Variants in ERI3 observed in about 807,000 individuals in gnomAD.
The protein encoded by ERI3 is ERI1 exoribonuclease family member 3.
Under a neutral mutation model 44.4 loss-of-function variants are expected in ERI3, and 18 were observed. That is an observed-to-expected ratio of 0.41 (90% confidence interval 0.28 to 0.60). The LOEUF (loss-of-function observed/expected upper bound fraction) is 0.60, where lower values mean the gene tolerates loss of function less well. Ranked by LOEUF, ERI3 falls within the 20% of genes least tolerant of loss-of-function variation. ERI3 has a pLI of 0.36. For missense variants in ERI3, 294 were observed against 435.5 expected (o/e 0.68, Z 2.89); for synonymous variants, 183 against 164.8 (o/e 1.11, Z -0.84).
intron 7 of ERI3, among the ~76,000 whole-genome samples, chr1:44,274,947 G>A (rs563890220): frequency 6.6e-6 from 1 of 152,238 alleles, no homozygotes; most frequent in African/African-American, 2.4e-5. Flanking sequence ...ATTCCCATCA[G>A]GACACCAGCC....
At chr1:44,258,377 A>C (rs1360516334) in intron 7 of ERI3, among the ~76,000 whole-genome samples, 1 of 152,140 alleles carries the variant, frequency 6.6e-6, no homozygotes, top group Non-Finnish European at 1.5e-5. Context: ...CTCACATACA[A>C]AGGTATATGC....
chr1:44,281,512 C>T (rs866659849), intron 7 of ERI3, among the ~76,000 whole-genome samples: 9 of 148,706 alleles, frequency 6.1e-5, no homozygotes, highest in Middle Eastern at 3.5e-3. Flanking sequence ...CATCTGAGCC[C>T]GGGAGTTCAA....
At chr1:44,330,164 C>T (rs1029962774) in intron 3 of ERI3, among the ~76,000 whole-genome samples, 2 of 152,168 alleles carry the variant, frequency 1.3e-5, no homozygotes. Context: ...GTAATACATT[C>T]AAATTTCCTT....
chr1:44,250,631 A>T (rs1644658075), intron 7 of ERI3, among the ~76,000 whole-genome samples: 1 of 152,142 alleles, frequency 6.6e-6, no homozygotes, highest in Non-Finnish European at 1.5e-5. Flanking sequence ...TGGCGTCTCC[A>T]CTGCGGCCGT....
At chr1:44,248,161 G>C in intron 7 of ERI3, 123 bp from the exon 8 acceptor site, 1 of 607,520 alleles carries the variant, frequency 1.6e-6, no homozygotes. Flanking sequence ...ATGCCATCTC[G>C]TGAGAGTCCC....
chr1:44,290,402 T>G (rs1182229483), intron 6 of ERI3, among the ~76,000 whole-genome samples: 1 of 151,792 alleles, frequency 6.6e-6, no homozygotes, highest in African/African-American at 2.4e-5. Context: ...CTGTGAGGGG[T>G]GGGTGGGCTT....
At chr1:44,334,214 T>C (rs953922369) in intron 3 of ERI3, among the ~76,000 whole-genome samples, 3 of 152,250 alleles carry the variant, frequency 2.0e-5, no homozygotes, top group Non-Finnish European at 4.4e-5. Flanking sequence ...TACCTCCTCC[T>C]CCCAACGTGC....
chr1:44,238,970 C>T lies in ERI3; in HGVS notation c.931+8969G>A, dbSNP rs949714392. ...GCGGGGATGAGGGAGTAACTAATTACGGAAGAAATGAGCTAACATTTATCT... is the reference window on the plus strand; with the variant it reads ...GCGGGGATGAGGGAGTAACTAATTATGGAAGAAATGAGCTAACATTTATCT... On this transcript the variant is annotated intron_variant, in intron 8 of 8. Coordinates refer to ENST00000372257, the MANE Select transcript of ERI3 (RefSeq NM_024066.3). Among the ~76,000 whole-genome samples the T allele has an allele frequency of 5.9e-5, 9 of 152,152 alleles. No individual in the cohort carries two copies. In the South Asian group the frequency reaches 6.2e-4, roughly 11 times the overall value.
At chr1:44,346,669 A>G (rs1646789456) in intron 2 of ERI3, among the ~76,000 whole-genome samples, 1 of 152,146 alleles carries the variant, frequency 6.6e-6, no homozygotes, top group African/African-American at 2.4e-5. Context: ...ACTGTTAAAT[A>G]CTTCCTATAC....
At chr1:44,343,551 G>A (rs1235946447) in intron 2 of ERI3, among the ~76,000 whole-genome samples, 2 of 152,100 alleles carry the variant, frequency 1.3e-5, no homozygotes, top group Non-Finnish European at 2.9e-5. Context: ...TAACCAGCCT[G>A]TAATCTTCAA....
In ERI3 at chr1:44,228,896, A is replaced by T. The variant is rs552185912; in HGVS notation, c.932-7256T>A. ...AAGATGATACCCAAGACAAACCCTTATCCAGACTCCCAGGCCTGGCAGGAC... is the reference window on the plus strand; with the variant it reads ...AAGATGATACCCAAGACAAACCCTTTTCCAGACTCCCAGGCCTGGCAGGAC... On this transcript the variant is annotated intron_variant, in intron 8 of 8. Coordinates refer to ENST00000372257, the MANE Select transcript of ERI3 (RefSeq NM_024066.3). This position sits in a 1 kb window ranked among gnomAD's most constrained non-coding sequence, Gnocchi z 4.3. Among the ~76,000 whole-genome samples, 2 of 152,340 alleles carry T rather than the reference A, an allele frequency of 1.3e-5. No homozygotes were observed. Among genetic ancestry groups the T allele is most frequent in the African/African-American group, 4.8e-5 (2 of 41,586 alleles).
At position 44,325,864 on chromosome 1, in the gene ERI3, G is replaced by T. The variant is rs561753939; in HGVS notation, c.490-6120C>A. On this transcript the variant is annotated intron_variant, in intron 3 of 8. Transcript: ENST00000372257. Reference sequence around the variant, plus strand: ...GGGTTTTGCCACGTTGGCCAGGTGGGTCTCAAACTCCTGGCCTCAAGAGAT... The same window carrying T: ...GGGTTTTGCCACGTTGGCCAGGTGGTTCTCAAACTCCTGGCCTCAAGAGAT... Among the ~76,000 whole-genome samples the T allele has an allele frequency of 2.6e-5, 4 of 152,044 alleles. No homozygotes were observed. The South Asian group carries it at 8.3e-4, about 32-fold the overall frequency.
At chr1:44,281,034 T>G (rs1488898721) in intron 7 of ERI3, among the ~76,000 whole-genome samples, 2 of 152,196 alleles carry the variant, frequency 1.3e-5, no homozygotes, top group Non-Finnish European at 2.9e-5. Flanking sequence ...CTGCCAGGCT[T>G]CTTCTCCTCA....
chr1:44,339,543 A>C (rs1646609235), intron 2 of ERI3, among the ~76,000 whole-genome samples: 1 of 152,100 alleles, frequency 6.6e-6, no homozygotes, highest in Admixed American at 6.6e-5. Flanking sequence ...CACCTGCAGC[A>C]TTATTACAGC....
At chr1:44,307,250 C>A (rs1645856475) in intron 6 of ERI3, among the ~76,000 whole-genome samples, 2 of 152,104 alleles carry the variant, frequency 1.3e-5, no homozygotes, top group Admixed American at 6.5e-5. Flanking sequence ...AGGCTTGACA[C>A]CCACCTGGGT....
At chr1:44,257,661 T>C (rs970352639) in intron 7 of ERI3, among the ~76,000 whole-genome samples, 2 of 152,036 alleles carry the variant, frequency 1.3e-5, no homozygotes, top group Non-Finnish European at 2.9e-5. Context: ...GGGGTGAGTT[T>C]CTCCCTCATG....
At chr1:44,285,514 A>G (rs1645375917) in intron 6 of ERI3, among the ~76,000 whole-genome samples, 1 of 152,234 alleles carries the variant, frequency 6.6e-6, no homozygotes, top group African/African-American at 2.4e-5. Context: ...GATAGAGAAG[A>G]GGCCAGGTAG....
intron 3 of ERI3, among the ~76,000 whole-genome samples, chr1:44,331,064 T>C (rs1038761317): frequency 2.0e-5 from 3 of 152,148 alleles, no homozygotes; most frequent in African/African-American, 4.8e-5. Flanking sequence ...CTGGCTTTGC[T>C]TTCTATGGCT....
Position 44,228,785 on chromosome 1 carries a change from C to T in ERI3, c.932-7145G>A, listed in dbSNP as rs1020708012. Among the ~76,000 whole-genome samples the T allele has an allele frequency of 6.6e-6, 1 of 152,196 alleles. No individual in the cohort carries two copies. Among genetic ancestry groups the T allele is most frequent in the African/African-American group, 2.4e-5 (1 of 41,452 alleles). On this transcript the variant is annotated intron_variant, in intron 8 of 8. Coordinates refer to ENST00000372257, the MANE Select transcript of ERI3 (RefSeq NM_024066.3). The surrounding 1 kb of genome is among the most constrained non-coding windows in gnomAD (Gnocchi z 4.3). Reference sequence around the variant, plus strand: ...CTGACCAGTAAGCATAGCATCAAACCCCTTATGTCGCTTGCAGTGCATTTG... The same window carrying T: ...CTGACCAGTAAGCATAGCATCAAACTCCTTATGTCGCTTGCAGTGCATTTG...
Sources: gnomAD v4.1 joint callset for allele counts (sites outside exome capture counted in the v4.1 genomes callset) on GRCh38, gnomAD v4.1.1 for gene constraint, Gnocchi (gnomAD v3.1) non-coding constraint, MANE v1.5 for transcripts, NCBI Gene and HGNC (gene_info 2026-07-23, HGNC 2026-07-21) for gene names.